ATG2A: variants seen among roughly 807,000 people sequenced by gnomAD.
ATG2A encodes the protein autophagy-related protein 2 homolog A.
In ATG2A, 103 loss-of-function variants were observed where a neutral mutation model predicts 214.2. That is an observed-to-expected ratio of 0.48 (90% CI 0.41 to 0.57). ATG2A has a LOEUF of 0.57. Ranked by LOEUF, ATG2A falls within the 20% of genes least tolerant of loss-of-function variation. The pLI, the probability that ATG2A is intolerant of heterozygous loss-of-function variation, is 0.00. For missense variants in ATG2A, 2,312 were observed against 2,613.2 expected, an observed-to-expected ratio of 0.88 and a Z score of 2.51; for synonymous variants, 1,160 against 1,142.1, an observed-to-expected ratio of 1.02 and a Z score of -0.32.
intron 9 of ATG2A, 93 bp from the exon 10 acceptor site, chr11:64,911,368 C>G (rs1360342630): frequency 1.6e-6 from 2 of 1,268,166 alleles, no homozygotes; most frequent in Non-Finnish European, 2.2e-6. Flanking sequence ...GGTTGGGAGG[C>G]CAGGTCTGCC....
intron 16 of ATG2A, among the ~76,000 whole-genome samples, chr11:64,908,438 G>C (rs918960078): frequency 5.3e-5 from 8 of 152,142 alleles, no homozygotes; most frequent in African/African-American, 9.7e-5. Flanking sequence ...TGTAATCCCG[G>C]CTACTCAGGA....
chr11:64,896,320 C>G (rs1384028975), intron 39 of ATG2A, 142 bp downstream of exon 39: 1 of 1,272,454 alleles, frequency 7.9e-7, no homozygotes, highest in East Asian at 2.6e-5. Context: ...TTAGCCTCTC[C>G]GTGGCTGTTT....
At chr11:64,912,697 G>T (rs781510819) in intron 6 of ATG2A, 1 of 456,302 alleles carries the variant, frequency 2.2e-6, no homozygotes, top group Non-Finnish European at 3.9e-6. Context: ...GGGTTCAAGC[G>T]ATTCTCCCGC....
intron 1 of ATG2A, among the ~76,000 whole-genome samples, chr11:64,915,470 G>A (rs1488392580): frequency 3.3e-5 from 5 of 152,248 alleles, no homozygotes; most frequent in Admixed American, 1.3e-4. Context: ...ACTGGGATGC[G>A]GGCCTCTTTC....
rs371145155 is a variant in ATG2A, at chr11:64,895,354, C to A, written c.5516G>T (p.Arg1839Leu). 48 of 1,612,918 alleles carry A rather than the reference C, an allele frequency of 3.0e-5. No individual in the cohort carries two copies. The African/African-American group carries it at 6.3e-4, about 21-fold the overall frequency. The change falls in exon 40 of 41, where the codon CGC (arginine) becomes CTC (leucine). Residue 1839 changes from arginine to leucine, a missense_variant. Physicochemically the swap from Arg to Leu is moderately radical, Grantham distance 102. Coordinates refer to ENST00000377264, the MANE Select transcript of ATG2A (RefSeq NM_015104.3). The surrounding 1 kb of genome is among the most constrained non-coding windows in gnomAD (Gnocchi z 5.0). ...LQDKRSARRL[R>L]RGQQPADLRE... is the part of the protein sequence containing the mutation. Reference sequence around the variant, plus strand: ...CAGGTCGGCAGGCTGCTGGCCCCTGCGCAGCCTCCGCGCAGAGCGCTTATC... The same window carrying A: ...CAGGTCGGCAGGCTGCTGGCCCCTGAGCAGCCTCCGCGCAGAGCGCTTATC...
At chr11:64,907,952 C>T in intron 16 of ATG2A, 62 bp from the exon 17 acceptor site, 1 of 1,558,552 alleles carries the variant, frequency 6.4e-7, no homozygotes, top group East Asian at 2.3e-5. Flanking sequence ...TGGGGCCTGT[C>T]TCTGGTCTCA....
In ATG2A at chr11:64,908,437, G is replaced by C. The variant is rs1036037071; in HGVS notation, c.2365-547C>G. ...CGTGGTGGCACGCGCCTGTAATCCC[G>C]GCTACTCAGGAGGCTGAGGCAGGAG... On this transcript the variant is annotated intron_variant, in intron 16 of 40. Coordinates refer to ENST00000377264, the MANE Select transcript of ATG2A (RefSeq NM_015104.3). Among the ~76,000 whole-genome samples the C allele has an allele frequency of 2.2e-4, 33 of 152,080 alleles. 2 individuals carry two copies. The highest frequency in any genetic ancestry group is 2.0e-3 in the Admixed American group (31 of 15,262).
Position 64,894,679 on chromosome 11 carries a change from G to C in ATG2A, c.*294C>G. ...CACAGAAAGACACTTGGCTGAGTGG[G>C]ATGGGGTCCGAGGGTCCAAAAGCCT... On this transcript the variant is annotated 3_prime_UTR_variant, in exon 41 of 41. Coordinates refer to ENST00000377264, the MANE Select transcript of ATG2A (RefSeq NM_015104.3). 1 of 668,264 alleles carries C rather than the reference G, an allele frequency of 1.5e-6. No individual in the cohort carries two copies. The highest frequency in any genetic ancestry group is 1.5e-5 in the South Asian group (1 of 66,488). 41.4% of individuals were successfully genotyped at this position (668,264 alleles called of 1,614,324 possible).
chr11:64,912,854 A>G, intron 6 of ATG2A, 184 bp downstream of exon 6: 1 of 564,958 alleles, frequency 1.8e-6, no homozygotes, highest in Non-Finnish European at 3.0e-6. Context: ...TGGCCTCCCA[A>G]AGTGCTGGGA....
Position 64,913,756 on chromosome 11 carries a change from G to T in ATG2A, c.590+65C>A. 1 of 1,511,704 alleles carries T rather than the reference G, an allele frequency of 6.6e-7. No homozygotes were observed. The highest frequency in any genetic ancestry group is 9.1e-7 in the Non-Finnish European group (1 of 1,099,058). The allele number at this position is 1,511,704 out of a possible 1,614,324, so 93.6% of individuals were successfully genotyped here. A position where few individuals can be genotyped will look rare whatever the true frequency, so the allele number is the denominator to read the frequency against. On this transcript the variant is annotated intron_variant, in intron 4 of 40. Transcript: ENST00000377264. The surrounding 1 kb of genome is among the most constrained non-coding windows in gnomAD (Gnocchi z 4.3). ...TCCCAGGAACCTAGGCTGCGGGTGG[G>T]GACCATCCAGCAGCCCCCACTCCCC... is the stretch of plus-strand genomic sequence containing the variant.
Position 64,897,688 on chromosome 11 carries a change from C to A in ATG2A, c.5050G>T (p.Val1684Phe). The A allele has an allele frequency of 6.2e-7, 1 of 1,614,242 alleles. No individual in the cohort carries two copies. Among genetic ancestry groups the A allele is most frequent in the Non-Finnish European group, 8.5e-7 (1 of 1,180,032 alleles). Residue 1684 changes from valine (V) to phenylalanine (F), a missense_variant, in exon 36 of 41, where the codon GTC becomes TTC. By Grantham distance (50) the Val-to-Phe change is conservative. Transcript: ENST00000377264. ...CCACTTACCACCTGGTCCATCGTGA[C>A]GTGCTTGCCATGGTAATCCAGCCAG... ...PIWLDYHGKH[V>F]TMDQVGTFAG...
rs1944661479 is a variant in ATG2A at position 64,909,033 on chromosome 11, G to C, written c.2322C>G (p.Pro774=). The change falls in exon 16 of 41, where the codon CCC becomes CCG. Residue 774 remains proline (P), a synonymous_variant. Transcript: ENST00000377264. ...TGGTCCTCTTAGAGGAGAAGGGCGA[G>C]GGCTCAGGTTCCCGCAGCTCACAGG... is the stretch of plus-strand genomic sequence containing the variant. ...ESPCELREPE[P]SPFSSKRTMY... The C allele has an allele frequency of 1.2e-6, 2 of 1,611,466 alleles. No individual in the cohort carries two copies. The highest frequency in any genetic ancestry group is 2.7e-5 in the African/African-American group (2 of 74,872).
At position 64,917,196 on chromosome 11, in the gene ATG2A, C is replaced by A; in HGVS notation, c.-61G>T. 2 of 1,517,874 alleles carry A rather than the reference C, an allele frequency of 1.3e-6. No homozygotes were observed. Among genetic ancestry groups the A allele is most frequent in the Non-Finnish European group, 1.8e-6 (2 of 1,129,856 alleles). The allele number at this position is 1,517,874 out of a possible 1,614,324, so 94.0% of individuals were successfully genotyped here. ...CCGCCCGCCGGCGATCCCCGTCCGG[C>A]TCCGCTGTTCACTAGAGCCCCCGGC... is the stretch of plus-strand genomic sequence containing the variant. On this transcript the variant is annotated 5_prime_UTR_variant, in exon 1 of 41. Transcript: ENST00000377264.
rs756259235 is a variant in ATG2A at position 64,910,049 on chromosome 11, G to A, written c.1854C>T (p.Ala618=). ...RLATVPAEPP[A]GLLTEPLPAM... ...GGCAGGGGCCTCTCACCAGCAGGCC[G>A]GCTGGAGGCTCAGCAGGTACGGTGG... Residue 618 remains alanine (A), a synonymous_variant, in exon 13 of 41, where the codon GCC becomes GCT. Transcript: ENST00000377264. 14 of 1,582,026 alleles carry A rather than the reference G, an allele frequency of 8.8e-6. No individual in the cohort carries two copies. The highest frequency in any genetic ancestry group is 5.2e-5 in the Admixed American group (3 of 57,494).
intron 1 of ATG2A, 167 bp downstream of exon 1, chr11:64,916,798 G>C: frequency 1.2e-6 from 1 of 867,644 alleles, no homozygotes; most frequent in Non-Finnish European, 1.7e-6. Flanking sequence ...CTCTGGTAAG[G>C]AACTGAAGAG....
At chr11:64,909,176 G>A (rs1944667476) in intron 15 of ATG2A, 26 bp from the exon 16 acceptor site, 2 of 1,605,534 alleles carry the variant, frequency 1.2e-6, no homozygotes, top group Non-Finnish European at 8.5e-7. Context: ...CCTGTTACTG[G>A]CCTGCAGGGC....
rs1398367714 is a variant in ATG2A, at chr11:64,898,656, G to A, written c.4651C>T (p.Arg1551Ter). Residue 1551 changes from arginine to a stop codon, truncating the protein, a stop_gained, in exon 32 of 41, where the codon CGA (arginine) becomes TGA (stop). Transcript: ENST00000377264. LOFTEE classifies it high-confidence loss of function. This position sits in a 1 kb window ranked among gnomAD's most constrained non-coding sequence, Gnocchi z 4.5. Reference sequence around the variant, plus strand: ...CATACCATGTTAGAGTGGGCACGTCGCGGCATCCGCTCACTCGTGTGTAGG... The same window carrying A: ...CATACCATGTTAGAGTGGGCACGTCACGGCATCCGCTCACTCGTGTGTAGG... ...LYLHTSERMP[R>*]RAHSNMLTIK... 3 of 1,613,974 alleles carry A rather than the reference G, an allele frequency of 1.9e-6. No individual in the cohort carries two copies. Among genetic ancestry groups the A allele is most frequent in the Non-Finnish European group, 2.5e-6 (3 of 1,179,934 alleles).
intron 22 of ATG2A, 82 bp downstream of exon 22, chr11:64,906,031 C>T: frequency 6.7e-7 from 1 of 1,488,742 alleles, no homozygotes; most frequent in Admixed American, 2.0e-5. Flanking sequence ...TCCCACCGGC[C>T]TCCTCCCACC....
At position 64,911,295 on chromosome 11, in the gene ATG2A, A is replaced by C. The variant is rs1944763887; in HGVS notation, c.1229-20T>G. Reference sequence around the variant, plus strand: ...TCTTGCCTGAGGGGACAGAGGCTTCAGCAGGGGCTCCCAACAGATTCCGGG... The same window carrying C: ...TCTTGCCTGAGGGGACAGAGGCTTCCGCAGGGGCTCCCAACAGATTCCGGG... On this transcript the variant is annotated intron_variant, in intron 9 of 40. Transcript: ENST00000377264. The C allele has an allele frequency of 6.2e-7, 1 of 1,609,962 alleles. No individual in the cohort carries two copies. The highest frequency in any genetic ancestry group is 8.5e-7 in the Non-Finnish European group (1 of 1,178,194).
Sources: allele counts gnomAD v4.1 joint callset (sites outside exome capture counted in the v4.1 genomes callset), GRCh38; gene constraint gnomAD v4.1.1; non-coding constraint Gnocchi (gnomAD v3.1); transcripts MANE v1.5; gene names NCBI Gene and HGNC (gene_info 2026-07-23, HGNC 2026-07-21).